Variants in NUGGC observed in about 807,000 individuals in gnomAD.
The protein encoded by NUGGC is nuclear GTPase SLIP-GC.
NUGGC carries 58 observed loss-of-function variants against 92.6 expected under a neutral mutation model. The observed-to-expected ratio is 0.63, with a 90% confidence interval of 0.51 to 0.78. The LOEUF (loss-of-function observed/expected upper bound fraction) is 0.78. Among genes scored for constraint, NUGGC ranks in the 30% least tolerant of loss-of-function variants. NUGGC has a pLI of 0.00. For synonymous variants in NUGGC, 376 were observed against 366.4 expected, an observed-to-expected ratio of 1.03 and a Z score of -0.30; for missense variants, 925 against 964.6, an observed-to-expected ratio of 0.96 and a Z score of 0.54.
intron 2 of NUGGC, among the ~76,000 whole-genome samples, chr8:28,071,527 G>A (rs896853610): frequency 6.6e-6 from 1 of 152,182 alleles, no homozygotes; most frequent in Admixed American, 6.5e-5. Context: ...GACATCAGCA[G>A]TTGCTTCCTT....
At chr8:28,074,131 C>T (rs1271331598) in intron 2 of NUGGC, among the ~76,000 whole-genome samples, 1 of 151,346 alleles carries the variant, frequency 6.6e-6, no homozygotes, top group African/African-American at 2.4e-5. Context: ...AAGGAAAAAG[C>T]CGCACTTATT....
chr8:28,062,643 A>G (rs1026495622), intron 7 of NUGGC, among the ~76,000 whole-genome samples: 2 of 152,184 alleles, frequency 1.3e-5, no homozygotes, highest in South Asian at 2.1e-4. Context: ...AAGTAGAAGC[A>G]GCTTCCAGCT....
chr8:28,080,861 T>C (rs1810832966), intron 1 of NUGGC, among the ~76,000 whole-genome samples: 1 of 152,166 alleles, frequency 6.6e-6, no homozygotes, highest in Admixed American at 6.6e-5. Flanking sequence ...ATATTCCAGA[T>C]GTGAATGGTG....
At chr8:28,056,242 G>C (rs1331886488) in intron 9 of NUGGC, among the ~76,000 whole-genome samples, 188 bp from the exon 10 acceptor site, 2 of 152,118 alleles carry the variant, frequency 1.3e-5, no homozygotes, top group African/African-American at 4.8e-5. Context: ...CCGTTGGGAG[G>C]CCAAGGTAGG....
At chr8:28,075,964 CCTT>C (rs767429683) in intron 1 of NUGGC, among the ~76,000 whole-genome samples, 3 of 152,174 alleles carry the variant, frequency 2.0e-5, no homozygotes, top group Non-Finnish European at 4.4e-5. Flanking sequence ...GGTGCCCTTC[CCTT>C]CTTCTCGCAG....
chr8:28,052,769 T>G (rs1810038214), intron 10 of NUGGC, among the ~76,000 whole-genome samples: 1 of 152,250 alleles, frequency 6.6e-6, no homozygotes, highest in Non-Finnish European at 1.5e-5. Flanking sequence ...CTGTTCACAT[T>G]GCCCTTCCTT....
chr8:28,035,484 G>A (rs924514316), intron 13 of NUGGC, among the ~76,000 whole-genome samples: 21 of 152,152 alleles, frequency 1.4e-4, no homozygotes, highest in African/African-American at 3.4e-4. Flanking sequence ...CCGGCTGCTC[G>A]CTGGTGCTGG....
chr8:28,060,150 T>C (rs1467779453), intron 8 of NUGGC: 2 of 564,246 alleles, frequency 3.5e-6, no homozygotes, highest in African/African-American at 1.8e-5. Context: ...AGGTACACCA[T>C]CTGCATCTGG....
chr8:28,033,511 C>T (rs1467675862), intron 14 of NUGGC, 29 bp downstream of exon 14: 1 of 1,601,610 alleles, frequency 6.2e-7, no homozygotes, highest in Non-Finnish European at 8.5e-7. Context: ...ATGTTTGTTC[C>T]CGAAGGTGCA....
chr8:28,069,698 A>G, intron 3 of NUGGC, 46 bp from the exon 4 acceptor site: 1 of 1,033,824 alleles, frequency 9.7e-7, no homozygotes, highest in Non-Finnish European at 1.5e-6. Context: ...TGGCAGGGAT[A>G]AAGTACTAGG....
rs34532311 is a variant in NUGGC, at chr8:28,023,069, CA to C, written c.*247del. On this transcript the variant is annotated 3_prime_UTR_variant, in exon 19 of 19. Coordinates refer to ENST00000413272, the MANE Select transcript of NUGGC (RefSeq NM_001010906.2). ...TGGGTGACACAGCGAGACTCTGTCT[CA>C]AAAAAAAAAAAAAAAAAATTACCCA... 92,215 of 226,864 alleles carry C rather than the reference CA, an allele frequency of 0.41. 11,851 individuals are homozygous for C. Among genetic ancestry groups the C allele is most frequent in the Non-Finnish European group, 0.46 (59,479 of 128,782 alleles). The allele number at this position is 226,864 out of a possible 1,614,324, so 14.1% of individuals were successfully genotyped here.
intron 1 of NUGGC, among the ~76,000 whole-genome samples, chr8:28,081,701 ACT>A (rs1810854082): frequency 6.6e-6 from 1 of 152,010 alleles, no homozygotes; most frequent in Non-Finnish European, 1.5e-5. Flanking sequence ...ACTCGGTGAA[ACT>A]CTGTCTCTAC....
intron 2 of NUGGC, among the ~76,000 whole-genome samples, chr8:28,071,780 T>C (rs1473303300): frequency 6.6e-6 from 1 of 151,968 alleles, no homozygotes; most frequent in African/African-American, 2.4e-5. Context: ...TTGAAAATGG[T>C]TCTAACCCAG....
chr8:28,042,592 T>C (rs1158652798), intron 12 of NUGGC, among the ~76,000 whole-genome samples: 1 of 152,168 alleles, frequency 6.6e-6, no homozygotes, highest in Non-Finnish European at 1.5e-5. Flanking sequence ...CCCACTGCAC[T>C]TCCCACAGTC....
Position 28,029,416 on chromosome 8 carries a change from T to G in NUGGC, c.2018-14A>C, listed in dbSNP as rs763321476. Reference sequence around the variant, plus strand: ...TCTGAGCTGCCTCTGGCAAAAATGATAGCCACAGTCACACCAAGACAAGGA... The same window carrying G: ...TCTGAGCTGCCTCTGGCAAAAATGAGAGCCACAGTCACACCAAGACAAGGA... On this transcript the variant is annotated splice_polypyrimidine_tract_variant and intron_variant, in intron 16 of 18. Transcript: ENST00000413272. 9.3e-6 allele frequency: 15 copies of G among 1,611,272 alleles called. No homozygotes were observed. In the East Asian group the frequency reaches 3.1e-4, roughly 34 times the overall value.
At position 28,060,604 on chromosome 8, in the gene NUGGC, G is replaced by A. The variant is rs754621428; in HGVS notation, c.922-3C>T. 2 of 1,607,630 alleles carry A rather than the reference G, an allele frequency of 1.2e-6. No homozygotes were observed. Among genetic ancestry groups the A allele is most frequent in the African/African-American group, 2.7e-5 (2 of 74,770 alleles). On this transcript the variant is annotated splice_polypyrimidine_tract_variant and splice_region_variant and intron_variant, in intron 7 of 18. Coordinates refer to ENST00000413272, the MANE Select transcript of NUGGC (RefSeq NM_001010906.2). ...ATCACTGAGCACTTGTCAATGGTCT[G>A]CAAAACATGACCACGGCATGTGTCA...
At chr8:28,070,163 T>A (rs899379525) in intron 3 of NUGGC, 89 bp downstream of exon 3, 1 of 1,479,986 alleles carries the variant, frequency 6.8e-7, no homozygotes, top group Non-Finnish European at 9.0e-7. Context: ...TCATCCAGCT[T>A]CAGAATTTAA....
intron 13 of NUGGC, among the ~76,000 whole-genome samples, chr8:28,040,757 C>T (rs991650762): frequency 3.3e-5 from 5 of 152,102 alleles, no homozygotes; most frequent in Middle Eastern, 3.2e-3. Context: ...AGCAATTCTC[C>T]TGCCTCAGCC....
intron 12 of NUGGC, among the ~76,000 whole-genome samples, chr8:28,044,810 C>T (rs146225149): frequency 6.6e-6 from 1 of 152,272 alleles, no homozygotes; most frequent in Non-Finnish European, 1.5e-5. Context: ...CACGGTCCAG[C>T]AATTGTCTTT....
Sources: gnomAD v4.1 joint callset for allele counts (sites outside exome capture counted in the v4.1 genomes callset) on GRCh38, gnomAD v4.1.1 for gene constraint, MANE v1.5 for transcripts, NCBI Gene and HGNC (gene_info 2026-07-23, HGNC 2026-07-21) for gene names.